ANKDD1B: variants seen among roughly 807,000 people sequenced by gnomAD.
ANKDD1B encodes ankyrin repeat and death domain containing 1B.
In ANKDD1B, 57 loss-of-function variants were observed where a neutral mutation model predicts 59.7. The ratio of observed to expected loss-of-function variants is 0.95; its 90% confidence interval spans 0.77 to 1.19. ANKDD1B has a LOEUF of 1.19. Ranked by LOEUF, ANKDD1B falls within the 50% of genes most tolerant of loss-of-function variation. The pLI is 0.00. For missense variants in ANKDD1B, 602 were observed against 641.9 expected (o/e 0.94, Z 0.67); for synonymous variants, 216 against 239.5 (o/e 0.90, Z 0.91).
At chr5:75,660,150 T>C (rs1408709425) in intron 10 of ANKDD1B, among the ~76,000 whole-genome samples, 2 of 152,252 alleles carry the variant, frequency 1.3e-5, no homozygotes, top group African/African-American at 2.4e-5. Context: ...TTTATGTATA[T>C]AGTTCAGTAT....
chr5:75,611,623 G>C lies in ANKDD1B; in HGVS notation c.-12G>C. ...GGGTCTGGCCCTGCGCTCAGGGCCC[G>C]CGGAGGAGACTATGGACCCCGCCGG... On this transcript the variant is annotated 5_prime_UTR_variant, in exon 1 of 14. Transcript: ENST00000601380. 8.1e-7 allele frequency: 1 copy of C among 1,231,288 alleles called. No individual in the cohort carries two copies. The highest frequency in any genetic ancestry group is 1.0e-6 in the Non-Finnish European group (1 of 987,772). 76.3% of individuals were successfully genotyped at this position (1,231,288 alleles called of 1,614,324 possible). A position where few individuals can be genotyped will look rare whatever the true frequency, so the allele number is the denominator to read the frequency against.
intron 7 of ANKDD1B, among the ~76,000 whole-genome samples, chr5:75,638,137 A>G (rs1774365111): frequency 6.6e-6 from 1 of 152,216 alleles, no homozygotes; most frequent in South Asian, 2.1e-4. Flanking sequence ...CACAGGATTT[A>G]TAGTCTTAGT....
chr5:75,622,764 A>C (rs1253249262), intron 3 of ANKDD1B, among the ~76,000 whole-genome samples: 2 of 152,118 alleles, frequency 1.3e-5, no homozygotes, highest in Non-Finnish European at 2.9e-5. Flanking sequence ...TGTGAGTGTA[A>C]TTTGTGACAC....
At chr5:75,666,755 T>A in intron 11 of ANKDD1B, 37 bp from the exon 12 acceptor site, 1 of 1,407,328 alleles carries the variant, frequency 7.1e-7, no homozygotes, top group Non-Finnish European at 9.7e-7. Context: ...AAGTAGAACA[T>A]GTCTGAAATC....
At chr5:75,670,953 C>T in intron 13 of ANKDD1B, 26 bp from the exon 14 acceptor site, 1 of 1,128,800 alleles carries the variant, frequency 8.9e-7, no homozygotes, top group Non-Finnish European at 1.1e-6. Flanking sequence ...TTTAGGTATT[C>T]ATAAATGTTA....
At chr5:75,643,471 G>T (rs1404534953) in intron 7 of ANKDD1B, among the ~76,000 whole-genome samples, 1 of 40,792 alleles carries the variant, frequency 2.5e-5, no homozygotes, top group Non-Finnish European at 4.2e-5. Context: ...AGGAGCTGAT[G>T]CGATCAACTG....
At chr5:75,640,456 G>A (rs1774435150) in intron 7 of ANKDD1B, among the ~76,000 whole-genome samples, 1 of 152,190 alleles carries the variant, frequency 6.6e-6, no homozygotes, top group African/African-American at 2.4e-5. Context: ...TATAGTCTTG[G>A]CAGTACAAGT....
chr5:75,617,057 T>C (rs1773734478), intron 2 of ANKDD1B, 150 bp downstream of exon 2: 2 of 491,782 alleles, frequency 4.1e-6, no homozygotes, highest in Non-Finnish European at 7.2e-6. Flanking sequence ...GTGTTTAAGC[T>C]AAAAGGTGGA....
intron 10 of ANKDD1B, among the ~76,000 whole-genome samples, chr5:75,660,462 A>G (rs1173881596): frequency 1.3e-5 from 2 of 152,222 alleles, no homozygotes; most frequent in African/African-American, 4.8e-5. Flanking sequence ...ATTTCATTGT[A>G]TGTCTATACC....
At chr5:75,662,118 A>G (rs1036689656) in intron 10 of ANKDD1B, among the ~76,000 whole-genome samples, 9 of 151,704 alleles carry the variant, frequency 5.9e-5, no homozygotes, top group Admixed American at 6.6e-5. Context: ...TTGGATTTTC[A>G]CTCCAGCATA....
Position 75,613,049 on chromosome 5 carries a change from A to T in ANKDD1B, c.193+1222A>T, listed in dbSNP as rs143492881. Among the ~76,000 whole-genome samples the T allele has an allele frequency of 8.6e-3, 1,308 of 152,330 alleles. 16 individuals carry two copies. Among genetic ancestry groups the T allele is most frequent in the Middle Eastern group, 0.017 (5 of 292 alleles). On this transcript the variant is annotated intron_variant, in intron 1 of 13. Transcript: ENST00000601380. ...TGTGTTCCTCTGTGTCAAAGTTGCC[A>T]AGAGCTCAATGCACATGACGGAGGT...
chr5:75,635,772 T>C lies in ANKDD1B; in HGVS notation c.700-12T>C. 6.6e-7 allele frequency: 1 copy of C among 1,510,546 alleles called. No homozygotes were observed. The highest frequency in any genetic ancestry group is 8.9e-7 in the Non-Finnish European group (1 of 1,125,218). The allele number at this position is 1,510,546 out of a possible 1,614,324, so 93.6% of individuals were successfully genotyped here. A position where few individuals can be genotyped will look rare whatever the true frequency, so the allele number is the denominator to read the frequency against. On this transcript the variant is annotated splice_polypyrimidine_tract_variant and intron_variant, in intron 6 of 13. Coordinates refer to ENST00000601380, the MANE Select transcript of ANKDD1B (RefSeq NM_001276713.2). ...CACAGGGGTTTCTACGTCGAGTGTG[T>C]CTCTGTTGCAGGGGGGAAACACTGC...
Position 75,659,428 on chromosome 5 carries a change from C to A in ANKDD1B, c.1095+47C>A, listed in dbSNP as rs1276710635. On this transcript the variant is annotated intron_variant, in intron 10 of 13. Transcript: ENST00000601380. Reference sequence around the variant, plus strand: ...CATTCAGCTGAGATGGTTGCTAAGACCTTCCTGTTGGATGTCAGCCTTGAG... The same window carrying A: ...CATTCAGCTGAGATGGTTGCTAAGAACTTCCTGTTGGATGTCAGCCTTGAG... 3.0e-6 allele frequency: 4 copies of A among 1,326,386 alleles called. No homozygotes were observed. In the East Asian group the frequency reaches 1.0e-4, roughly 33 times the overall value. 82.2% of individuals were successfully genotyped at this position (1,326,386 alleles called of 1,614,324 possible). A position where few individuals can be genotyped will look rare whatever the true frequency, so the allele number is the denominator to read the frequency against.
intron 8 of ANKDD1B, 57 bp downstream of exon 8, chr5:75,653,297 C>A: frequency 8.4e-7 from 1 of 1,192,716 alleles, no homozygotes; most frequent in Non-Finnish European, 1.2e-6. Context: ...TTGGCTGTGT[C>A]AGGGAGATGC....
chr5:75,668,610 G>C (rs183614904), intron 12 of ANKDD1B, among the ~76,000 whole-genome samples: 62 of 152,324 alleles, frequency 4.1e-4, no homozygotes, highest in African/African-American at 1.5e-3. Flanking sequence ...AGAGCAAGGA[G>C]CCTGTAGTGA....
chr5:75,616,252 G>A (rs1210662087), intron 1 of ANKDD1B, among the ~76,000 whole-genome samples: 2 of 152,194 alleles, frequency 1.3e-5, no homozygotes, highest in Non-Finnish European at 2.9e-5. Flanking sequence ...TGTGAAATGT[G>A]ATGTTTATAG....
At chr5:75,634,011 G>A (rs1774233163) in intron 5 of ANKDD1B, among the ~76,000 whole-genome samples, 1 of 152,192 alleles carries the variant, frequency 6.6e-6, no homozygotes, top group Admixed American at 6.5e-5. Flanking sequence ...ATGACACAGT[G>A]TGAAAGCCCT....
At chr5:75,652,735 A>C (rs1774864231) in intron 7 of ANKDD1B, among the ~76,000 whole-genome samples, 1 of 152,220 alleles carries the variant, frequency 6.6e-6, no homozygotes, top group Non-Finnish European at 1.5e-5. Context: ...CACTGTGCCC[A>C]GCCAGATTTT....
intron 8 of ANKDD1B, among the ~76,000 whole-genome samples, chr5:75,654,166 C>T (rs1305590542): frequency 2.6e-5 from 4 of 152,198 alleles, no homozygotes; most frequent in Admixed American, 2.6e-4. Flanking sequence ...ACTTACTCAG[C>T]TGTGGTCTTC....
Sources: allele counts gnomAD v4.1 joint callset (sites outside exome capture counted in the v4.1 genomes callset), GRCh38; gene constraint gnomAD v4.1.1; transcripts MANE v1.5; gene names NCBI Gene and HGNC (gene_info 2026-07-23, HGNC 2026-07-21).